Variants in PRKN observed in about 807,000 individuals in gnomAD.
PRKN encodes parkin RBR E3 ubiquitin protein ligase.
PRKN carries 56 observed loss-of-function variants against 59.5 expected under a neutral mutation model. The observed-to-expected ratio is 0.94, with a 90% CI of 0.76 to 1.18. PRKN has a LOEUF of 1.18. PRKN is among the 50% of genes most tolerant of loss of function. PRKN has a pLI of 0.00. For missense variants in PRKN, 657 were observed against 596.4 expected, an observed-to-expected ratio of 1.10 and a Z score of -1.06; for synonymous variants, 250 against 222.1, an observed-to-expected ratio of 1.13 and a Z score of -1.12.
chr6:162,325,642 A>G (rs1337203208), intron 2 of PRKN, among the ~76,000 whole-genome samples: 1 of 152,136 alleles, frequency 6.6e-6, no homozygotes, highest in Non-Finnish European at 1.5e-5. Flanking sequence ...GCTCAGCCCA[A>G]CAAGCTTCCT....
chr6:162,048,335 C>G (rs1038764198), intron 5 of PRKN, among the ~76,000 whole-genome samples: 3 of 151,908 alleles, frequency 2.0e-5, no homozygotes, highest in Admixed American at 6.6e-5. Context: ...TACCCCCATC[C>G]TAAACCCTAC....
chr6:162,207,340 C>T (rs1406106029), intron 3 of PRKN, among the ~76,000 whole-genome samples: 2 of 152,032 alleles, frequency 1.3e-5, no homozygotes, highest in Admixed American at 1.3e-4. Context: ...TCACTGCACT[C>T]CAGCCTGGGT....
At chr6:162,007,692 T>C (rs1782310594) in intron 5 of PRKN, among the ~76,000 whole-genome samples, 1 of 152,048 alleles carries the variant, frequency 6.6e-6, no homozygotes, top group African/African-American at 2.4e-5. Flanking sequence ...ATTACCTTAA[T>C]GATATGATAT....
At chr6:162,612,535 T>C (rs189178976) in intron 1 of PRKN, among the ~76,000 whole-genome samples, 15 of 144,538 alleles carry the variant, frequency 1.0e-4, no homozygotes, top group Non-Finnish European at 2.1e-4. Context: ...AGGGACCAGA[T>C]GCAGTGAGCC....
Position 161,552,787 on chromosome 6 carries a change from GTTTTTGTTTT to G in PRKN, c.934-3794_934-3785del, listed in dbSNP as rs796404491. ...TAAAAGACACCATGGTTTTGTTGTT[GTTTTTGTTTT>G]TTGTTTTTTTTTTTTAGACGGAGTC... On this transcript the variant is annotated intron_variant, in intron 8 of 11. Coordinates refer to ENST00000366898, the MANE Select transcript of PRKN (RefSeq NM_004562.3). The surrounding 1 kb of genome is among the most constrained non-coding windows in gnomAD (Gnocchi z 4.9). Among the ~76,000 whole-genome samples, 6 of 86,548 alleles carry G rather than the reference GTTTTTGTTTT, an allele frequency of 6.9e-5. No individual in the cohort carries two copies. The highest frequency in any genetic ancestry group is 1.0e-4 in the Admixed American group (1 of 10,030). 56.8% of individuals were successfully genotyped at this position (86,548 alleles called of 152,430 possible). A position where few individuals can be genotyped will look rare whatever the true frequency, so the allele number is the denominator to read the frequency against.
In PRKN at chr6:162,125,602, C is replaced by T. The variant is rs73783418; in HGVS notation, c.535-71428G>A. On this transcript the variant is annotated intron_variant, in intron 4 of 11. Coordinates refer to ENST00000366898, the MANE Select transcript of PRKN (RefSeq NM_004562.3). ...TCCCATACCTATTTTCTTGTCTTTA[C>T]CCACCCAACTACTCACAACCCGTCA... Among the ~76,000 whole-genome samples, 417 of 152,216 alleles carry T rather than the reference C, an allele frequency of 2.7e-3. 3 individuals carry two copies. Among genetic ancestry groups the T allele is most frequent in the African/African-American group, 9.6e-3 (400 of 41,530 alleles).
At chr6:162,659,801 A>C (rs2128228014) in intron 1 of PRKN, among the ~76,000 whole-genome samples, 1 of 152,324 alleles carries the variant, frequency 6.6e-6, no homozygotes, top group African/African-American at 2.4e-5. Flanking sequence ...ATGAAAAGTA[A>C]TATACTTTCG....
chr6:161,737,160 C>T (rs1359156259), intron 7 of PRKN, among the ~76,000 whole-genome samples: 1 of 152,124 alleles, frequency 6.6e-6, no homozygotes, highest in Non-Finnish European at 1.5e-5. Context: ...TGCAGGTGCA[C>T]AGGAAGAGGA....
intron 2 of PRKN, among the ~76,000 whole-genome samples, chr6:162,380,418 CATATATATATGTGTGTATAT>C (rs1265791244): frequency 7.8e-6 from 1 of 128,632 alleles, no homozygotes; most frequent in East Asian, 2.2e-4. Context: ...TATATACACA[CATATATATATGTGTGTATAT>C]ATATATATGT....
intron 1 of PRKN, among the ~76,000 whole-genome samples, chr6:162,609,399 G>A (rs1336484418): frequency 6.6e-6 from 1 of 152,170 alleles, no homozygotes; most frequent in Non-Finnish European, 1.5e-5. Context: ...AAACAGAAAA[G>A]AATAGCAACT....
intron 7 of PRKN, among the ~76,000 whole-genome samples, chr6:161,631,515 G>A (rs139035857): frequency 1.4e-4 from 21 of 152,256 alleles, no homozygotes; most frequent in African/African-American, 4.3e-4. Flanking sequence ...AGCAATGAGT[G>A]TAAATAGAAA....
chr6:161,902,296 T>A (rs530294723), intron 6 of PRKN, among the ~76,000 whole-genome samples: 2 of 152,216 alleles, frequency 1.3e-5, no homozygotes, highest in African/African-American at 4.8e-5. Context: ...CTGCAGAGGC[T>A]CAGAAGAGAC....
At chr6:162,350,789 G>C (rs1021921543) in intron 2 of PRKN, among the ~76,000 whole-genome samples, 1 of 151,964 alleles carries the variant, frequency 6.6e-6, no homozygotes, top group Admixed American at 6.6e-5. Context: ...GATCCCCAAA[G>C]CATGACCAAA....
intron 6 of PRKN, among the ~76,000 whole-genome samples, chr6:161,832,395 G>A (rs553839221): frequency 5.3e-5 from 8 of 152,148 alleles, no homozygotes; most frequent in African/African-American, 1.9e-4. Flanking sequence ...GGAGTCCGAG[G>A]TGGGCAGATT....
chr6:161,965,169 C>G (rs1250765281), intron 6 of PRKN, among the ~76,000 whole-genome samples: 1 of 151,996 alleles, frequency 6.6e-6, no homozygotes. Flanking sequence ...TCCCCAGGCC[C>G]AAGTAAATCT....
intron 5 of PRKN, among the ~76,000 whole-genome samples, chr6:162,010,868 TTATAAAA>T (rs1782585261): frequency 1.6e-4 from 1 of 6,286 alleles, no homozygotes; most frequent in African/African-American, 3.4e-3. Context: ...ATATAATATA[TTATAAAA>T]TATATTATAT....
intron 9 of PRKN, among the ~76,000 whole-genome samples, chr6:161,443,189 A>C (rs759636548): frequency 9.9e-5 from 15 of 152,194 alleles, no homozygotes; most frequent in Admixed American, 5.9e-4. Flanking sequence ...GCATGCCTGT[A>C]ATCCCAGCTA....
intron 2 of PRKN, among the ~76,000 whole-genome samples, chr6:162,312,199 A>G (rs578030890): frequency 6.6e-6 from 1 of 152,130 alleles, no homozygotes; most frequent in Admixed American, 6.5e-5. Context: ...TAAGAATTTT[A>G]CCTTTATCCC....
intron 7 of PRKN, among the ~76,000 whole-genome samples, chr6:161,654,964 A>G (rs568904478): frequency 5.9e-5 from 9 of 152,320 alleles, no homozygotes; most frequent in Admixed American, 5.9e-4. Context: ...ACAAGGGTAG[A>G]AGCTCTGGTC....
Sources: allele counts gnomAD v4.1 joint callset (sites outside exome capture counted in the v4.1 genomes callset), GRCh38; gene constraint gnomAD v4.1.1; non-coding constraint Gnocchi (gnomAD v3.1); transcripts MANE v1.5; gene names NCBI Gene and HGNC (gene_info 2026-07-23, HGNC 2026-07-21).